The following CDAN1 variants were observed in gnomAD, a reference collection of about 807,000 sequenced individuals.
CDAN1 encodes codanin 1, also known as codanin-1.
Under a neutral mutation model 139.8 loss-of-function variants are expected in CDAN1, and 107 were observed. That is an observed-to-expected ratio of 0.77 (90% CI 0.65 to 0.90). The LOEUF is 0.90. CDAN1 is among the 40% of genes least tolerant of loss of function. The pLI is 0.00. For missense variants in CDAN1, 1,667 were observed against 1,575.7 expected (o/e 1.06, Z -0.98); for synonymous variants, 776 against 660.6 (o/e 1.17, Z -2.68).
Position 42,736,720 on chromosome 15 carries a change from G to T in CDAN1, c.151C>A (p.Pro51Thr). Residue 51 changes from proline to threonine, a missense_variant, in exon 2 of 28, where the codon CCG becomes ACG. This residue lies in a region of CDAN1 where 487 missense variants were observed against 422.2 expected (regional missense o/e 1.15). Transcript: ENST00000356231. ...SLRALRKEFVPFLLNFLREQS... is the reference protein window; with the variant it reads ...SLRALRKEFVTFLLNFLREQS... ...TCCCTCAGGAAGTTCAACAGGAACG[G>T]TACGAATTCTTTCCGCAGGGCCCGG... 1 of 1,561,710 alleles carries T rather than the reference G, an allele frequency of 6.4e-7. No homozygotes were observed.
At chr15:42,728,946 C>T in intron 19 of CDAN1, 77 bp downstream of exon 19, 3 of 1,560,662 alleles carry the variant, frequency 1.9e-6, no homozygotes, top group Admixed American at 1.7e-5. Flanking sequence ...TCTGGCTGAC[C>T]TTCTCAGTTT....
At chr15:42,732,509 G>C (rs934774063) in intron 9 of CDAN1, 101 bp from the exon 10 acceptor site, 2 of 1,125,238 alleles carry the variant, frequency 1.8e-6, no homozygotes, top group African/African-American at 1.5e-5. Flanking sequence ...CGTTTACCAG[G>C]GACTTGAGCA....
In CDAN1 at chr15:42,733,965, C is replaced by T. The variant is rs140424619; in HGVS notation, c.1340G>A (p.Arg447Gln). The change falls in exon 8 of 28, where the codon CGA becomes CAA. Residue 447 changes from arginine to glutamine, a missense_variant. Arg to Gln is a conservative substitution (Grantham distance 43). Coordinates refer to ENST00000356231, the MANE Select transcript of CDAN1 (RefSeq NM_138477.4). ...CTGTTTCTTAAAAGTATGAAAGGCT[C>T]GGTCACTGGAGAAGTTGGCACGATT... ...TDNRANFSSDRAFHTFKKQRD... is the reference protein window; with the variant it reads ...TDNRANFSSDQAFHTFKKQRD... 2.3e-4 allele frequency: 369 copies of T among 1,613,606 alleles called. No homozygotes were observed. Among genetic ancestry groups the T allele is most frequent in the Non-Finnish European group, 3.0e-4 (357 of 1,179,662 alleles).
rs2061683346 is a variant in CDAN1 at position 42,736,087 on chromosome 15, A to T, written c.570-9T>A. On this transcript the variant is annotated splice_polypyrimidine_tract_variant and intron_variant, in intron 2 of 27. Coordinates refer to ENST00000356231, the MANE Select transcript of CDAN1 (RefSeq NM_138477.4). ...TGCGAGAAGGCTTCGTCCTGCTGAG[A>T]GTAGCCACAGGTTTTTCTCAAATTC... is the stretch of plus-strand genomic sequence containing the variant. 1 of 1,613,760 alleles carries T rather than the reference A, an allele frequency of 6.2e-7. No homozygotes were observed.
At chr15:42,726,268 GAC>G (rs1488465692) in intron 24 of CDAN1, 40 bp downstream of exon 24, 2 of 1,593,882 alleles carry the variant, frequency 1.3e-6, no homozygotes, top group South Asian at 1.1e-5. Flanking sequence ...CTCACACAAG[GAC>G]ACAGAAAAAA....
At position 42,726,163 on chromosome 15, in the gene CDAN1, G is replaced by C. The variant is rs760831544; in HGVS notation, c.3205-3C>G. The C allele has an allele frequency of 1.9e-6, 3 of 1,614,148 alleles. No individual in the cohort carries two copies. The Admixed American group carries it at 5.0e-5, about 27-fold the overall frequency. ...TGCTCAGCAGGTGGGCACAGGAACT[G>C]CGGTTGGGGTGGGGGGGAAAGAGAG... On this transcript the variant is annotated splice_polypyrimidine_tract_variant and splice_region_variant and intron_variant, in intron 24 of 27. Coordinates refer to ENST00000356231, the MANE Select transcript of CDAN1 (RefSeq NM_138477.4).
chr15:42,729,459 G>A, intron 17 of CDAN1, 97 bp from the exon 18 acceptor site: 1 of 1,599,692 alleles, frequency 6.3e-7, no homozygotes, highest in Admixed American at 1.7e-5. Flanking sequence ...CAGATACCCA[G>A]GAATGACTAT....
chr15:42,730,520 C>T (rs900770017), intron 14 of CDAN1, 78 bp downstream of exon 14: 5 of 1,539,878 alleles, frequency 3.2e-6, no homozygotes, highest in South Asian at 1.1e-5. Flanking sequence ...ACTGCTCGAC[C>T]CTCTTTATTA....
In CDAN1 at chr15:42,729,871, A is replaced by G; in HGVS notation, c.2277T>C (p.Pro759=). Residue 759 remains proline (P), a synonymous_variant, in exon 16 of 28, where the codon CCT becomes CCC. Coordinates refer to ENST00000356231, the MANE Select transcript of CDAN1 (RefSeq NM_138477.4). ...CCTCTTCCAGAAAGAACAAGTCCTC[A>G]GGGACTGTGGGAATCTGGCAAGACA... is the stretch of plus-strand genomic sequence containing the variant. ...LGWLFQIPTV[P]EDLFFLEEGP... The G allele has an allele frequency of 1.2e-6, 2 of 1,613,304 alleles. No homozygotes were observed. The highest frequency in any genetic ancestry group is 1.7e-6 in the Non-Finnish European group (2 of 1,179,692).
chr15:42,726,393 GCCC>G lies in CDAN1; in HGVS notation c.3118_3120del (p.Gly1040del). On this transcript the variant is annotated inframe_deletion, in exon 24 of 28. Transcript: ENST00000356231. ...GAGACTCCCTCGTCAGGGTCCCGTG[GCCC>G]CACGGCCAAGGAGAGCACGTCCTGT... The G allele has an allele frequency of 6.3e-7, 1 of 1,597,382 alleles. No homozygotes were observed. The highest frequency in any genetic ancestry group is 8.5e-7 in the Non-Finnish European group (1 of 1,172,208).
chr15:42,731,176 C>A, intron 12 of CDAN1, 35 bp downstream of exon 12: 1 of 1,614,238 alleles, frequency 6.2e-7, no homozygotes, highest in East Asian at 2.2e-5. Flanking sequence ...CCTCCTGGGT[C>A]AGACCCCATT....
At position 42,726,378 on chromosome 15, in the gene CDAN1, C is replaced by T. The variant is rs772114869; in HGVS notation, c.3136G>A (p.Glu1046Lys). The T allele has an allele frequency of 6.3e-6, 10 of 1,599,230 alleles. No homozygotes were observed. The highest frequency in any genetic ancestry group is 2.3e-5 in the South Asian group (2 of 88,486). Residue 1046 changes from glutamate (E) to lysine (K), a missense_variant, in exon 24 of 28, where the codon GAG becomes AAG. Around this residue, in one of 3 missense-constraint regions of CDAN1, gnomAD observed 936 missense variants for 844.1 expected, o/e 1.11. Coordinates refer to ENST00000356231, the MANE Select transcript of CDAN1 (RefSeq NM_138477.4). ...TCCAGATGCTCTGGGGAGACTCCCT[C>T]GTCAGGGTCCCGTGGCCCCACGGCC... ...SLAVGPRDPD[E>K]GVSPEHLEQL... is the part of the protein sequence containing the mutation.
chr15:42,725,686 A>G lies in CDAN1; in HGVS notation c.3269-16T>C. The stretch of plus-strand genomic sequence containing the variant: ...TGATCTGCAACTGTGGAAAGAGGAA[A>G]GCCAAGCTTTAAAAGATGGGGGCAG... On this transcript the variant is annotated splice_polypyrimidine_tract_variant and intron_variant, in intron 25 of 27. Transcript: ENST00000356231. 2 of 1,613,852 alleles carry G rather than the reference A, an allele frequency of 1.2e-6. No individual in the cohort carries two copies. Among genetic ancestry groups the G allele is most frequent in the Non-Finnish European group, 1.7e-6 (2 of 1,179,864 alleles).
At chr15:42,725,729 A>C in intron 25 of CDAN1, 59 bp from the exon 26 acceptor site, 3 of 1,561,036 alleles carry the variant, frequency 1.9e-6, no homozygotes, top group Non-Finnish European at 2.6e-6. Flanking sequence ...GCGGTGACTC[A>C]CACCTATAAT....
rs145148854 is a variant in CDAN1, at chr15:42,728,203, C to T, written c.2868+1G>A. ...TAGCTGCAGGCCTCCCTCACACGTA[C>T]GGCTGCCGGGGTCTCCTCTGGAAGC... On this transcript the variant is annotated splice_donor_variant, in intron 21 of 27. Transcript: ENST00000356231. LOFTEE classifies it high-confidence loss of function. 3.7e-6 allele frequency: 6 copies of T among 1,613,318 alleles called. No individual in the cohort carries two copies. Among genetic ancestry groups the T allele is most frequent in the African/African-American group, 2.7e-5 (2 of 74,934 alleles).
At chr15:42,730,034 T>C in intron 15 of CDAN1, 94 bp downstream of exon 15, 3 of 1,356,154 alleles carry the variant, frequency 2.2e-6, no homozygotes, top group Non-Finnish European at 3.2e-6. Context: ...AACCTTCGTC[T>C]TCCAGCCCTT....
intron 9 of CDAN1, 48 bp downstream of exon 9, chr15:42,733,049 T>G: frequency 5.2e-5 from 80 of 1,526,398 alleles, no homozygotes; most frequent in Non-Finnish European, 7.0e-5. Context: ...GAGCAAGCAC[T>G]GAGCTACTCA....
Position 42,731,336 on chromosome 15 carries a change from G to C in CDAN1, c.1740-5C>G. 6.2e-7 allele frequency: 1 copy of C among 1,613,584 alleles called. No homozygotes were observed. The highest frequency in any genetic ancestry group is 1.3e-5 in the African/African-American group (1 of 74,982). On this transcript the variant is annotated splice_region_variant and splice_polypyrimidine_tract_variant and intron_variant, in intron 11 of 27. Coordinates refer to ENST00000356231, the MANE Select transcript of CDAN1 (RefSeq NM_138477.4). ...AGATGCTGGTTAAACTGGAAGCTGAGAAGAAGGGGTGGGTGGGGCATAAGC... is the reference window on the plus strand; with the variant it reads ...AGATGCTGGTTAAACTGGAAGCTGACAAGAAGGGGTGGGTGGGGCATAAGC...
intron 13 of CDAN1, 79 bp downstream of exon 13, chr15:42,730,846 T>G: frequency 6.2e-7 from 1 of 1,612,766 alleles, no homozygotes; most frequent in East Asian, 2.2e-5. Flanking sequence ...GTTTCCAGAA[T>G]AGCCAAGGAA....
Sources: allele counts gnomAD v4.1 joint callset, GRCh38; gene constraint gnomAD v4.1.1; regional missense constraint gnomAD v4.1.1; transcripts MANE v1.5; gene names NCBI Gene and HGNC (gene_info 2026-07-23, HGNC 2026-07-21).